RNF17: variants seen among roughly 807,000 people sequenced by gnomAD.
RNF17 encodes spermatogenesis associated 23.
A neutral mutation model predicts 200.5 loss-of-function variants in RNF17; 31 were observed. The ratio of observed to expected loss-of-function variants is 0.15; its 90% confidence interval spans 0.12 to 0.21. The LOEUF (loss-of-function observed/expected upper bound fraction) is 0.21. RNF17 is among the 10% of genes least tolerant of loss of function. The pLI is 1.00. For synonymous variants in RNF17, 606 were observed against 637.8 expected (o/e 0.95, Z 0.75); for missense variants, 1,628 against 1,905.1 (o/e 0.85, Z 2.71).
chr13:24,768,994 T>C (rs1196475135), intron 2 of RNF17, among the ~76,000 whole-genome samples: 1 of 139,076 alleles, frequency 7.2e-6, no homozygotes, highest in African/African-American at 2.8e-5. Flanking sequence ...CTCTTCCCTT[T>C]TTTTTTTTTT....
At chr13:24,866,256 G>C in intron 30 of RNF17, 53 bp downstream of exon 30, 2 of 941,812 alleles carry the variant, frequency 2.1e-6, no homozygotes, top group Non-Finnish European at 3.4e-6. Context: ...TTAATAAAAA[G>C]GATCTGATAC....
At chr13:24,837,123 A>G (rs952445902) in intron 18 of RNF17, among the ~76,000 whole-genome samples, 3 of 152,218 alleles carry the variant, frequency 2.0e-5, no homozygotes, top group African/African-American at 7.2e-5. Context: ...GTTAAAAGAG[A>G]GAGAGAGGAA....
intron 1 of RNF17, 112 bp downstream of exon 1, chr13:24,764,445 A>C (rs558271926): frequency 1.4e-6 from 2 of 1,393,344 alleles, no homozygotes; most frequent in Non-Finnish European, 1.9e-6. Context: ...TCCTGGTGTC[A>C]CCAGAAACTG....
chr13:24,815,428 G>GGGGGTGTGT (rs1296161698), intron 15 of RNF17, among the ~76,000 whole-genome samples: 1 of 144,100 alleles, frequency 6.9e-6, no homozygotes, highest in African/African-American at 2.6e-5. Flanking sequence ...GCCCTAACGG[G>GGGGGTGTGT]GTGTGTGTGT....
chr13:24,795,229 G>A (rs778344119), intron 10 of RNF17, among the ~76,000 whole-genome samples: 11 of 151,798 alleles, frequency 7.2e-5, no homozygotes, highest in Non-Finnish European at 1.3e-4. Context: ...ATTTTACCAT[G>A]TAAACATTTA....
the RNF17 span, among the ~76,000 whole-genome samples, chr13:24,756,121 A>G: frequency 6.6e-6 from 1 of 152,190 alleles, no homozygotes; most frequent in East Asian, 1.9e-4. Context: ...CATTTCCTGA[A>G]TGTACCCATT....
intron 14 of RNF17, among the ~76,000 whole-genome samples, chr13:24,803,061 C>T (rs888378612): frequency 1.1e-4 from 16 of 151,776 alleles, no homozygotes; most frequent in East Asian, 5.8e-4. Flanking sequence ...TAAAGAAAAA[C>T]GAAAATTAGA....
the RNF17 span, chr13:24,886,023 T>C: frequency 2.6e-6 from 1 of 377,672 alleles, no homozygotes; most frequent in South Asian, 2.2e-5. Flanking sequence ...TAACTGGGTA[T>C]TTAGTTAAAA....
downstream of RNF17, chr13:24,882,663 C>T (rs1953893927): frequency 6.4e-6 from 1 of 156,388 alleles, no homozygotes; most frequent in Non-Finnish European, 1.4e-5. Context: ...TATTTATATT[C>T]ATCCACTGTT....
intron 14 of RNF17, among the ~76,000 whole-genome samples, 197 bp from the exon 15 acceptor site, chr13:24,804,091 G>A (rs1237149458): frequency 6.6e-6 from 1 of 152,060 alleles, no homozygotes; most frequent in Non-Finnish European, 1.5e-5. Context: ...GGCAATGTAG[G>A]GAGACCCTGT....
chr13:24,749,647 G>GAAA, the RNF17 span, among the ~76,000 whole-genome samples: 3 of 152,314 alleles, frequency 2.0e-5, no homozygotes, highest in Admixed American at 6.5e-5. Flanking sequence ...TGAACTCAGA[G>GAAA]AAAACTTCCA....
rs138492359 is a variant in RNF17 at position 24,878,483 on chromosome 13, C to G, written c.4774-704C>G. 4.5e-3 allele frequency among the ~76,000 whole-genome samples: 678 copies of G among 152,290 alleles called. 4 individuals carry two copies. The highest frequency in any genetic ancestry group is 7.6e-3 in the Non-Finnish European group (517 of 68,022). On this transcript the variant is annotated intron_variant, in intron 34 of 35. Transcript: ENST00000255324. ...GATAGCTGTCTGCAAGCTGGAGAAC[C>G]AGAGAAGCTGGTAGCGTGGCTCAGT...
downstream of RNF17, among the ~76,000 whole-genome samples, chr13:24,881,567 T>C (rs1010116779): frequency 1.3e-5 from 2 of 151,888 alleles, no homozygotes; most frequent in Admixed American, 1.3e-4. Context: ...ATTCTAGAGA[T>C]ATCTCAGGAG....
intron 10 of RNF17, chr13:24,794,374 T>C (rs912731074): frequency 5.4e-5 from 18 of 331,214 alleles, no homozygotes; most frequent in Admixed American, 2.5e-4. Flanking sequence ...TTTCTAATGT[T>C]AAAAGTTTTA....
intron 32 of RNF17, 84 bp downstream of exon 32, chr13:24,870,823 C>A: frequency 9.7e-7 from 1 of 1,035,570 alleles, no homozygotes. Context: ...TGGGCTATCT[C>A]TAATGCTGAT....
At chr13:24,832,308 A>G (rs1401650894) in intron 18 of RNF17, among the ~76,000 whole-genome samples, 1 of 152,178 alleles carries the variant, frequency 6.6e-6, no homozygotes, top group Non-Finnish European at 1.5e-5. Context: ...TTTCCAGGAA[A>G]GTGAGGGGAG....
chr13:24,775,160 A>C (rs1368541874), intron 3 of RNF17, among the ~76,000 whole-genome samples: 2 of 152,226 alleles, frequency 1.3e-5, no homozygotes, highest in Non-Finnish European at 2.9e-5. Flanking sequence ...CTGAGAGTAC[A>C]CTGGCTAAAG....
chr13:24,762,321 A>T (rs144534337), upstream of RNF17, among the ~76,000 whole-genome samples: 473 of 144,226 alleles, frequency 3.3e-3, 10 homozygotes, highest in East Asian at 0.041. Context: ...GTGAGCTGAG[A>T]TCTCGCCATT....
At chr13:24,881,441 T>C (rs959032998), downstream of RNF17, among the ~76,000 whole-genome samples, 4 of 152,052 alleles carry the variant, frequency 2.6e-5, no homozygotes, top group Middle Eastern at 3.2e-3. Flanking sequence ...ATGCCTGGCC[T>C]ATCAACCTTT....
Sources: allele counts gnomAD v4.1 joint callset (sites outside exome capture counted in the v4.1 genomes callset), GRCh38; gene constraint gnomAD v4.1.1; transcripts MANE v1.5; gene names NCBI Gene and HGNC (gene_info 2026-07-23, HGNC 2026-07-21).